Variants in CSRNP3 observed in about 807,000 individuals in gnomAD.
The protein encoded by CSRNP3 is cysteine and serine rich nuclear protein 3.
CSRNP3 carries 12 observed loss-of-function variants against 48.0 expected under a neutral mutation model. The observed-to-expected ratio is 0.25, with a 90% CI of 0.16 to 0.41. CSRNP3 has a LOEUF of 0.41. Among genes scored for constraint, CSRNP3 ranks in the 10% least tolerant of loss-of-function variants. The pLI is 1.00. For synonymous variants in CSRNP3, 263 were observed against 269.7 expected, an observed-to-expected ratio of 0.98 and a Z score of 0.24; for missense variants, 580 against 724.4, an observed-to-expected ratio of 0.80 and a Z score of 2.29.
At chr2:165,489,768 C>A (rs1684176319) in intron 1 of CSRNP3, among the ~76,000 whole-genome samples, 16 of 125,812 alleles carry the variant, frequency 1.3e-4, no homozygotes, top group African/African-American at 4.9e-4. Context: ...TAAAAACTCT[C>A]AATAAATTAG....
chr2:165,635,208 T>C (rs1686607685), intron 4 of CSRNP3, among the ~76,000 whole-genome samples: 1 of 152,222 alleles, frequency 6.6e-6, no homozygotes, highest in Non-Finnish European at 1.5e-5. Context: ...CGTGAGGGCA[T>C]CCTCTTATTT....
rs1475529715 is a variant in CSRNP3, at chr2:165,679,209, C to G, written c.1214C>G (p.Pro405Arg). 1.2e-6 allele frequency: 2 copies of G among 1,613,760 alleles called. No homozygotes were observed. Among genetic ancestry groups the G allele is most frequent in the African/African-American group, 2.7e-5 (2 of 74,858 alleles). The change falls in exon 7 of 7, where the codon CCT becomes CGT. Residue 405 changes from proline (P) to arginine (R), a missense_variant. Coordinates refer to ENST00000651982, the MANE Select transcript of CSRNP3 (RefSeq NM_001172173.2). ...TTGGGCACCCATGCCGAAGTTGTCC[C>G]TCTTCCTTCAGTTCTTTGTTATTCT... ...EGLGTHAEVV[P>R]LPSVLCYSDG...
intron 4 of CSRNP3, among the ~76,000 whole-genome samples, chr2:165,629,155 G>A (rs1318562288): frequency 2.6e-5 from 4 of 152,196 alleles, no homozygotes; most frequent in Non-Finnish European, 5.9e-5. Flanking sequence ...CGGCAATTCT[G>A]ATACAAAGTT....
intron 3 of CSRNP3, among the ~76,000 whole-genome samples, chr2:165,529,607 G>A (rs1210941560): frequency 2.6e-5 from 4 of 152,184 alleles, no homozygotes; most frequent in Admixed American, 1.3e-4. Flanking sequence ...ATGATGTTAT[G>A]TATAAATACA....
chr2:165,481,186 GAGA>G (rs1207116272), intron 1 of CSRNP3, among the ~76,000 whole-genome samples: 3 of 152,112 alleles, frequency 2.0e-5, no homozygotes, highest in Non-Finnish European at 4.4e-5. Context: ...AATATTGAAT[GAGA>G]AGGTTATATG....
chr2:165,582,123 T>G (rs765023718), intron 3 of CSRNP3, among the ~76,000 whole-genome samples: 1 of 152,196 alleles, frequency 6.6e-6, no homozygotes, highest in Non-Finnish European at 1.5e-5. Flanking sequence ...AGTGTGCTAC[T>G]GGTCAAAGAA....
intron 3 of CSRNP3, among the ~76,000 whole-genome samples, chr2:165,524,604 A>G (rs1684708981): frequency 6.6e-6 from 1 of 152,156 alleles, no homozygotes; most frequent in Non-Finnish European, 1.5e-5. Flanking sequence ...TCCCCCTGTC[A>G]ACTTATCCTT....
intron 4 of CSRNP3, among the ~76,000 whole-genome samples, chr2:165,640,357 A>T (rs779934932): frequency 1.3e-5 from 2 of 152,234 alleles, no homozygotes; most frequent in Non-Finnish European, 2.9e-5. Context: ...ACAGAGCAGG[A>T]TATGAACTAA....
intron 3 of CSRNP3, among the ~76,000 whole-genome samples, chr2:165,525,089 G>T (rs1684715407): frequency 6.6e-6 from 1 of 152,050 alleles, no homozygotes; most frequent in Non-Finnish European, 1.5e-5. Context: ...CTGACACTTG[G>T]TATTATCAGT....
chr2:165,492,712 G>A (rs1162538280), intron 1 of CSRNP3, among the ~76,000 whole-genome samples: 4 of 109,894 alleles, frequency 3.6e-5, no homozygotes, highest in African/African-American at 1.1e-4. Flanking sequence ...CAGTAAGTAA[G>A]CACTATTAGA....
intron 3 of CSRNP3, among the ~76,000 whole-genome samples, chr2:165,573,509 A>G (rs1685403035): frequency 6.6e-6 from 1 of 152,366 alleles, no homozygotes; most frequent in East Asian, 1.9e-4. Context: ...TAATAGCACA[A>G]CACTGAATAT....
chr2:165,679,105 C>CGAGGAGGAGGAGGAAGAAGAA lies in CSRNP3; in HGVS notation c.1116_1136dup (p.Glu377_Glu383dup), dbSNP rs1558972606. 4.3e-6 allele frequency: 7 copies of CGAGGAGGAGGAGGAAGAAGAA among 1,612,164 alleles called. No homozygotes were observed. Among genetic ancestry groups the CGAGGAGGAGGAGGAAGAAGAA allele is most frequent in the Non-Finnish European group, 5.9e-6 (7 of 1,179,110 alleles). ...AAAGCTTGGCACCTAGTGAGTCAGACGAGGAGGAGGAGGAAGAAGAAGAGG... is the reference window on the plus strand; with the variant it reads ...AAAGCTTGGCACCTAGTGAGTCAGACGAGGAGGAGGAGGAAGAAGAAGAGGAGGAGGAGGAAGAAGAAGAGG... On this transcript the variant is annotated inframe_insertion, in exon 7 of 7. Coordinates refer to ENST00000651982, the MANE Select transcript of CSRNP3 (RefSeq NM_001172173.2).
intron 3 of CSRNP3, among the ~76,000 whole-genome samples, chr2:165,579,533 T>C (rs906900952): frequency 6.6e-6 from 1 of 152,200 alleles, no homozygotes; most frequent in Admixed American, 6.5e-5. Context: ...CCAGAGTTTC[T>C]ATCTCATCTA....
intron 4 of CSRNP3, 106 bp from the exon 5 acceptor site, chr2:165,657,655 C>G (rs12620509): frequency 0.44 from 609,745 of 1,384,190 alleles, 134,839 homozygotes; most frequent in South Asian, 0.5. Flanking sequence ...CCCTAGCCAA[C>G]AAGGGTTGGC....
intron 4 of CSRNP3, among the ~76,000 whole-genome samples, chr2:165,630,560 A>G (rs957652815): frequency 5.3e-5 from 8 of 152,190 alleles, no homozygotes; most frequent in African/African-American, 1.9e-4. Flanking sequence ...CTGGACAGCA[A>G]CAACTCCTCC....
At chr2:165,471,834 G>A (rs1427791929) in intron 1 of CSRNP3, among the ~76,000 whole-genome samples, 1 of 151,704 alleles carries the variant, frequency 6.6e-6, no homozygotes, top group Non-Finnish European at 1.5e-5. Flanking sequence ...GAGAGAGAGA[G>A]AATGTGTGCT....
intron 4 of CSRNP3, among the ~76,000 whole-genome samples, chr2:165,639,650 T>C (rs1227227568): frequency 6.6e-6 from 1 of 152,106 alleles, no homozygotes; most frequent in African/African-American, 2.4e-5. Context: ...AAAGTCAGTG[T>C]TTTGACACCT....
chr2:165,588,681 G>C (rs868139502), intron 3 of CSRNP3, among the ~76,000 whole-genome samples: 1 of 152,156 alleles, frequency 6.6e-6, no homozygotes, highest in Non-Finnish European at 1.5e-5. Context: ...AGGGCCAGGC[G>C]TGGTGGCTGA....
intron 1 of CSRNP3, among the ~76,000 whole-genome samples, chr2:165,491,928 T>G (rs1236128329): frequency 1.4e-5 from 2 of 140,070 alleles, no homozygotes; most frequent in Non-Finnish European, 3.1e-5. Context: ...TGTACACATG[T>G]ACCCTAAAAC....
Sources: allele counts gnomAD v4.1 joint callset (sites outside exome capture counted in the v4.1 genomes callset), GRCh38; gene constraint gnomAD v4.1.1; transcripts MANE v1.5; gene names NCBI Gene and HGNC (gene_info 2026-07-23, HGNC 2026-07-21).